Variants in NLRP11 observed in about 807,000 individuals in gnomAD.
The protein encoded by NLRP11 is NACHT, LRR and PYD domains-containing protein 11.
Under a neutral mutation model 79.3 loss-of-function variants are expected in NLRP11, and 53 were observed. The ratio of observed to expected loss-of-function variants is 0.67; its 90% CI spans 0.54 to 0.84. NLRP11 has a LOEUF of 0.84. Ranked by LOEUF, NLRP11 falls within the 40% of genes least tolerant of loss-of-function variation. The pLI is 0.00. For synonymous variants in NLRP11, 518 were observed against 462.6 expected (o/e 1.12, Z -1.54); for missense variants, 1,264 against 1,255.0 (o/e 1.01, Z -0.11).
rs569114922 is a variant in NLRP11, at chr19:55,798,221, C to T, written c.2172-1971G>A. ...GCCATGTTGGTCAGGCTGTCTGGAA[C>T]GCCTTACCTCAGGTGATCTGCCCGC... On this transcript the variant is annotated intron_variant, in intron 5 of 9. Coordinates refer to ENST00000589093, the Ensembl canonical transcript of NLRP11. The T allele has an allele frequency of 2.2e-4, 112 of 501,264 alleles. 1 individual carries two copies. In the South Asian group the frequency reaches 8.3e-3, roughly 37 times the overall value. The allele number at this position is 501,264 out of a possible 1,614,324, so 31.1% of individuals were successfully genotyped here. A position where few individuals can be genotyped will look rare whatever the true frequency, so the allele number is the denominator to read the frequency against.
exon 10 of NLRP11, chr19:55,785,730 T>C (rs1408871151): frequency 6.2e-7 from 1 of 1,614,124 alleles, no homozygotes; most frequent in East Asian, 2.2e-5. Flanking sequence ...TTATTGAACC[T>C]GGCTGAGAAG....
At position 55,809,452 on chromosome 19, in the gene NLRP11, G is replaced by T. The variant is rs756906180; in HGVS notation, c.1158C>A (p.Ala386=). 6.2e-7 allele frequency: 1 copy of T among 1,614,018 alleles called. No homozygotes were observed. The highest frequency in any genetic ancestry group is 8.5e-7 in the Non-Finnish European group (1 of 1,180,020). ...TTAGGAGACCTAGGTGATACTGATTGGCAGTAAGTCCAGCCTCTGATGTCA... is the reference window on the plus strand; with the variant it reads ...TTAGGAGACCTAGGTGATACTGATTTGCAGTAAGTCCAGCCTCTGATGTCA... Residue 386 remains alanine (A), a synonymous_variant, in exon 3 of 10, where the codon GCC becomes GCA. Transcript: ENST00000589093. This position sits in a 1 kb window ranked among gnomAD's most constrained non-coding sequence, Gnocchi z 4.5.
chr19:55,831,252 C>T (rs28590571), intron 1 of NLRP11, among the ~76,000 whole-genome samples: 20,875 of 150,868 alleles, frequency 0.14, 1,857 homozygotes, highest in Middle Eastern at 0.28. Flanking sequence ...GCACAACTGA[C>T]GGGCATTAAC....
Position 55,809,516 on chromosome 19 carries a change from G to A in NLRP11, c.1094C>T (p.Thr365Ile), listed in dbSNP as rs1980369256. The A allele has an allele frequency of 6.2e-7, 1 of 1,614,164 alleles. No homozygotes were observed. Among genetic ancestry groups the A allele is most frequent in the African/African-American group, 1.3e-5 (1 of 75,028 alleles). ...AAAGTGGGCATGTAGATCAGTGGGT[G>A]TTTGGCAGCAGAGCTGGAAGTCACG... Residue 365 changes from threonine (T) to isoleucine (I), a missense_variant, in exon 3 of 10, where the codon ACA becomes ATA. Physicochemically the swap from Thr to Ile is moderately conservative, Grantham distance 89. Transcript: ENST00000589093. The surrounding 1 kb of genome is among the most constrained non-coding windows in gnomAD (Gnocchi z 4.5).
exon 10 of NLRP11, chr19:55,785,527 ACACACACACACAT>A: frequency 9.2e-7 from 1 of 1,091,842 alleles, no homozygotes; most frequent in African/African-American, 1.6e-5. Context: ...ACACACACAC[ACACACACACACAT>A]CAAATAGGAA....
chr19:55,819,496 T>C lies in NLRP11; in HGVS notation c.-62-1260A>G, dbSNP rs1981478361. On this transcript the variant is annotated intron_variant, in intron 1 of 9. Transcript: ENST00000589093. Reference sequence around the variant, plus strand: ...AGATTGCCGAGTTGTGACTAAAGAATCCATTCCAGAGCCTTGACCCAACAC... The same window carrying C: ...AGATTGCCGAGTTGTGACTAAAGAACCCATTCCAGAGCCTTGACCCAACAC... Among the ~76,000 whole-genome samples, 3 of 152,094 alleles carry C rather than the reference T, an allele frequency of 2.0e-5. No homozygotes were observed. In the South Asian group the frequency reaches 6.2e-4, roughly 32 times the overall value.
upstream of NLRP11, among the ~76,000 whole-genome samples, chr19:55,836,081 G>A (rs768727068): frequency 5.9e-5 from 9 of 152,154 alleles, no homozygotes; most frequent in Non-Finnish European, 1.2e-4. Flanking sequence ...CCGAGATGAC[G>A]CCACTGCACT....
chr19:55,804,082 G>A (rs1334065795), intron 4 of NLRP11, among the ~76,000 whole-genome samples: 3 of 151,384 alleles, frequency 2.0e-5, no homozygotes, highest in African/African-American at 4.9e-5. Flanking sequence ...ACTCCACCTC[G>A]AAAAACAAAT....
At chr19:55,798,233 G>A in intron 5 of NLRP11, 1 of 680,184 alleles carries the variant, frequency 1.5e-6, no homozygotes, top group Non-Finnish European at 1.8e-6. Context: ...CCTTACCTCA[G>A]GTGATCTGCC....
At chr19:55,819,956 C>T (rs1056004728) in intron 1 of NLRP11, among the ~76,000 whole-genome samples, 42 of 152,184 alleles carry the variant, frequency 2.8e-4, no homozygotes, top group East Asian at 9.7e-4. Flanking sequence ...CTGACTCCAT[C>T]GTGGCCATGA....
chr19:55,818,194 C>T (rs1466341455), exon 2 of NLRP11: 3 of 1,602,946 alleles, frequency 1.9e-6, no homozygotes, highest in South Asian at 2.2e-5. Flanking sequence ...CCAGGGAAGG[C>T]AGACTTCAGA....
At chr19:55,789,438 G>T in intron 7 of NLRP11, 39 bp from the exon 8 acceptor site, 1 of 1,563,920 alleles carries the variant, frequency 6.4e-7, no homozygotes, top group Non-Finnish European at 8.7e-7. Flanking sequence ...ATGACCACCT[G>T]TCTCCAAAGA....
intron 2 of NLRP11, among the ~76,000 whole-genome samples, chr19:55,811,281 A>G (rs557397151): frequency 1.6e-3 from 244 of 152,368 alleles, no homozygotes; most frequent in African/African-American, 5.2e-3. Context: ...ATGTTAAGAC[A>G]TAAGTATAAA....
rs531276892 is a variant in NLRP11 at position 55,788,852 on chromosome 19, A to G, written c.2810T>C (p.Leu937Pro). 6.2e-6 allele frequency: 10 copies of G among 1,613,658 alleles called. No homozygotes were observed. The African/African-American group carries it at 1.1e-4, about 17-fold the overall frequency. ...ATCTGGGCTGATCAAGCTCTCAAGA[A>G]GTTTTGCAACTCCATCATTGCCCAA... Residue 937 changes from leucine (L) to proline (P), a missense_variant, in exon 9 of 10, where the codon CTT becomes CCT. Leu to Pro is a moderately conservative substitution (Grantham distance 98, BLOSUM62 -3). Coordinates refer to ENST00000589093, the Ensembl canonical transcript of NLRP11.
At chr19:55,824,325 AC>A (rs1164190616) in intron 1 of NLRP11, among the ~76,000 whole-genome samples, 2 of 148,624 alleles carry the variant, frequency 1.3e-5, no homozygotes, top group African/African-American at 5.0e-5. Flanking sequence ...AAATGTAAAG[AC>A]CATCGAGACC....
chr19:55,809,292 T>C lies in NLRP11; in HGVS notation c.1318A>G (p.Asn440Asp). The stretch of plus-strand genomic sequence containing the variant: ...AACTTGTAACGGTCTTTATGAGTGT[T>C]GCTCGGCAAAAGAATATTCGCGGCC... The change falls in exon 3 of 10, where the codon AAC becomes GAC. Residue 440 changes from asparagine (N) to aspartate (D), a missense_variant. By Grantham distance (23) the Asn-to-Asp change is conservative. Coordinates refer to ENST00000589093, the Ensembl canonical transcript of NLRP11. The surrounding 1 kb of genome is among the most constrained non-coding windows in gnomAD (Gnocchi z 4.5). The C allele has an allele frequency of 1.9e-6, 3 of 1,614,128 alleles. No individual in the cohort carries two copies. The highest frequency in any genetic ancestry group is 2.5e-6 in the Non-Finnish European group (3 of 1,179,968).
intron 6 of NLRP11, among the ~76,000 whole-genome samples, chr19:55,793,269 G>A (rs1437575834): frequency 2.6e-5 from 4 of 152,140 alleles, no homozygotes; most frequent in African/African-American, 9.6e-5. Flanking sequence ...CAGGGAAGGG[G>A]TTAAAAAGTT....
intron 1 of NLRP11, among the ~76,000 whole-genome samples, chr19:55,828,196 C>G (rs372887482): frequency 2.1e-4 from 31 of 149,704 alleles, no homozygotes; most frequent in African/African-American, 6.6e-4. Flanking sequence ...TGTTCTCACT[C>G]ATAGGTGGGA....
intron 4 of NLRP11, among the ~76,000 whole-genome samples, chr19:55,806,015 G>A (rs773657676): frequency 6.2e-4 from 95 of 152,076 alleles, no homozygotes; most frequent in Non-Finnish European, 1.1e-3. Flanking sequence ...CCTTTCCTTC[G>A]TTGGGAAACT....
Sources: gnomAD v4.1 joint callset for allele counts (sites outside exome capture counted in the v4.1 genomes callset) on GRCh38, gnomAD v4.1.1 for gene constraint, Gnocchi (gnomAD v3.1) non-coding constraint, MANE v1.5 for transcripts, NCBI Gene and HGNC (gene_info 2026-07-23, HGNC 2026-07-21) for gene names.